TENM2: variants seen among roughly 807,000 people sequenced by gnomAD.
TENM2 encodes teneurin-2.
TENM2 carries 52 observed loss-of-function variants against 245.2 expected under a neutral mutation model. The observed-to-expected ratio is 0.21, with a 90% confidence interval of 0.17 to 0.27. The LOEUF (loss-of-function observed/expected upper bound fraction) is 0.27. TENM2 is among the 10% of genes least tolerant of loss of function. TENM2 has a pLI of 1.00. For synonymous variants in TENM2, 1,363 were observed against 1,438.9 expected (o/e 0.95, Z 1.19); for missense variants, 3,046 against 3,666.8 (o/e 0.83, Z 4.37).
chr5:167,319,111 A>C (rs1420608061), intron 1 of TENM2, among the ~76,000 whole-genome samples: 1 of 152,226 alleles, frequency 6.6e-6, no homozygotes, highest in Non-Finnish European at 1.5e-5. Flanking sequence ...ACTAATGACC[A>C]ATCAGTGAAA....
At chr5:168,057,576 C>T (rs1170037073) in intron 6 of TENM2, among the ~76,000 whole-genome samples, 4 of 152,130 alleles carry the variant, frequency 2.6e-5, no homozygotes, top group Non-Finnish European at 4.4e-5. Context: ...ACAAACATTT[C>T]GAAGTCATTA....
intron 8 of TENM2, among the ~76,000 whole-genome samples, chr5:168,095,467 GA>G (rs1198400215): frequency 1.3e-5 from 2 of 152,210 alleles, no homozygotes; most frequent in African/African-American, 4.8e-5. Flanking sequence ...CACCTGCATA[GA>G]GTAGAGAGGC....
At chr5:167,645,396 G>A (rs1779863333) in intron 2 of TENM2, among the ~76,000 whole-genome samples, 2 of 152,134 alleles carry the variant, frequency 1.3e-5, no homozygotes, top group Non-Finnish European at 2.9e-5. Flanking sequence ...AAGGGTGGAG[G>A]AGGAAAGGTG....
chr5:167,054,966 C>G, the TENM2 span, among the ~76,000 whole-genome samples: 1 of 152,046 alleles, frequency 6.6e-6, no homozygotes, highest in Non-Finnish European at 1.5e-5. Context: ...TATTTTCTCA[C>G]AGTCCGTGGC....
At chr5:167,283,632 G>A (rs772357804), upstream of TENM2, among the ~76,000 whole-genome samples, 38 of 152,302 alleles carry the variant, frequency 2.5e-4, no homozygotes, top group Middle Eastern at 3.4e-3. Flanking sequence ...ATATTGAGGA[G>A]GCAGTGAGCA....
the TENM2 span, among the ~76,000 whole-genome samples, chr5:166,996,716 T>A: frequency 4.6e-5 from 7 of 152,238 alleles, no homozygotes; most frequent in African/African-American, 1.4e-4. Context: ...CTTAACTATG[T>A]GAACCAAGGA....
chr5:168,116,522 A>G (rs1321816411), intron 9 of TENM2, among the ~76,000 whole-genome samples: 4 of 152,156 alleles, frequency 2.6e-5, no homozygotes, highest in Non-Finnish European at 4.4e-5. Context: ...GTCTTTCATA[A>G]ATGGCCATTT....
chr5:168,044,698 A>G (rs1279180871), intron 5 of TENM2, among the ~76,000 whole-genome samples: 2 of 152,142 alleles, frequency 1.3e-5, no homozygotes, highest in African/African-American at 4.8e-5. Flanking sequence ...CTACCTGTAC[A>G]GGGAAACCTT....
chr5:167,148,346 A>G, the TENM2 span, among the ~76,000 whole-genome samples: 1 of 152,192 alleles, frequency 6.6e-6, no homozygotes, highest in African/African-American at 2.4e-5. Flanking sequence ...ATTGTAAAAC[A>G]TTACAGGATG....
chr5:167,119,523 T>C, the TENM2 span: 1 of 152,256 alleles, frequency 6.6e-6, no homozygotes, highest in Non-Finnish European at 1.5e-5. Flanking sequence ...TTCAGTTGTT[T>C]GGTGAGGGCT....
chr5:167,737,102 G>A (rs751754745), intron 2 of TENM2, among the ~76,000 whole-genome samples: 5 of 152,266 alleles, frequency 3.3e-5, no homozygotes, highest in Non-Finnish European at 7.4e-5. Flanking sequence ...TGTCGCTCCC[G>A]ATCATGTCCT....
intron 12 of TENM2, among the ~76,000 whole-genome samples, chr5:168,143,181 G>A (rs1339982556): frequency 1.3e-5 from 2 of 151,858 alleles, no homozygotes; most frequent in African/African-American, 2.4e-5. Context: ...TTTGGCCTGT[G>A]ACCTAGTGCA....
At chr5:168,091,774 T>G (rs1792966513) in intron 8 of TENM2, among the ~76,000 whole-genome samples, 2 of 152,206 alleles carry the variant, frequency 1.3e-5, no homozygotes, top group Non-Finnish European at 2.9e-5. Context: ...TAGCTGTAGA[T>G]CTCAAGATTC....
At chr5:168,126,825 A>G (rs1377676297) in exon 12 of TENM2, 1 of 1,613,288 alleles carries the variant, frequency 6.2e-7, no homozygotes, top group East Asian at 2.2e-5. Context: ...AGAGGGCTGG[A>G]CAGGCGCAGC....
At chr5:167,751,474 G>A (rs1334516686) in intron 2 of TENM2, among the ~76,000 whole-genome samples, 1 of 152,134 alleles carries the variant, frequency 6.6e-6, no homozygotes, top group Non-Finnish European at 1.5e-5. Flanking sequence ...GTGGACATGT[G>A]TACACAGAAT....
chr5:168,197,664 C>G (rs949739606), intron 15 of TENM2, among the ~76,000 whole-genome samples: 1 of 147,440 alleles, frequency 6.8e-6, no homozygotes, highest in Non-Finnish European at 1.5e-5. Context: ...CATGCCACTG[C>G]GCTCCAGCCT....
At chr5:168,119,329 G>A (rs973661181) in intron 10 of TENM2, among the ~76,000 whole-genome samples, 1 of 152,136 alleles carries the variant, frequency 6.6e-6, no homozygotes, top group Admixed American at 6.5e-5. Flanking sequence ...CAGGAGAGGG[G>A]GACATAGAAG....
At chr5:167,347,270 A>G (rs901640606) in intron 1 of TENM2, among the ~76,000 whole-genome samples, 1 of 152,132 alleles carries the variant, frequency 6.6e-6, no homozygotes, top group Admixed American at 6.5e-5. Context: ...GTGCTTTGCT[A>G]TGGTAGAAGG....
the TENM2 span, among the ~76,000 whole-genome samples, chr5:167,006,193 A>G: frequency 6.6e-6 from 1 of 152,174 alleles, no homozygotes; most frequent in Non-Finnish European, 1.5e-5. Flanking sequence ...CTGACCAGAT[A>G]TATACACTTA....
Sources: allele counts gnomAD v4.1 joint callset (sites outside exome capture counted in the v4.1 genomes callset), GRCh38; gene constraint gnomAD v4.1.1; transcripts MANE v1.5; gene names NCBI Gene and HGNC (gene_info 2026-07-23, HGNC 2026-07-21).